ARHGAP24: variants seen among roughly 807,000 people sequenced by gnomAD.
The protein encoded by ARHGAP24 is Rho GTPase activating protein 24.
In ARHGAP24, 50 loss-of-function variants were observed where a neutral mutation model predicts 76.4. The observed-to-expected ratio is 0.65, with a 90% confidence interval of 0.52 to 0.83. The LOEUF is 0.83. Ranked by LOEUF, ARHGAP24 falls within the 40% of genes least tolerant of loss-of-function variation. ARHGAP24 has a pLI of 0.00. For synonymous variants in ARHGAP24, 345 were observed against 323.3 expected, an observed-to-expected ratio of 1.07 and a Z score of -0.72; for missense variants, 930 against 914.2, an observed-to-expected ratio of 1.02 and a Z score of -0.22.
At chr4:85,564,948 ATATATATATATATATATATATAC>A (rs1301523473) in intron 1 of ARHGAP24, among the ~76,000 whole-genome samples, 4 of 106,894 alleles carry the variant, frequency 3.7e-5, no homozygotes, top group African/African-American at 1.9e-4. Context: ...ATATATATAT[ATATATATATATATATATATATAC>A]CCACACCCAC....
At chr4:85,738,031 A>G (rs1473322886) in intron 3 of ARHGAP24, among the ~76,000 whole-genome samples, 1 of 151,934 alleles carries the variant, frequency 6.6e-6, no homozygotes, top group Non-Finnish European at 1.5e-5. Flanking sequence ...AGTGATTTTC[A>G]TGCCTCGGCC....
chr4:85,872,772 AT>A (rs199857883), intron 3 of ARHGAP24, among the ~76,000 whole-genome samples: 2 of 143,160 alleles, frequency 1.4e-5, no homozygotes, highest in Admixed American at 1.4e-4. Flanking sequence ...TAACTTTTGT[AT>A]TTTTTTTTGT....
At chr4:85,998,204 GT>G (rs1179331654) in intron 9 of ARHGAP24, among the ~76,000 whole-genome samples, 1 of 152,138 alleles carries the variant, frequency 6.6e-6, no homozygotes, top group East Asian at 1.9e-4. Flanking sequence ...GAGTTTATCA[GT>G]TTCTTTTTAT....
intron 3 of ARHGAP24, among the ~76,000 whole-genome samples, chr4:85,804,472 C>T (rs949787502): frequency 6.6e-6 from 1 of 152,056 alleles, no homozygotes; most frequent in Non-Finnish European, 1.5e-5. Context: ...ACATTGTTAA[C>T]TGAAAGGAGG....
At chr4:85,689,472 C>T (rs1723551510) in intron 2 of ARHGAP24, among the ~76,000 whole-genome samples, 1 of 152,082 alleles carries the variant, frequency 6.6e-6, no homozygotes. Flanking sequence ...CTACAATCTC[C>T]ACCTCCTGGG....
chr4:85,950,336 A>AG (rs755390579), intron 5 of ARHGAP24, among the ~76,000 whole-genome samples: 92 of 151,636 alleles, frequency 6.1e-4, no homozygotes, highest in Non-Finnish European at 1.1e-3. Flanking sequence ...ACAAAAAAAA[A>AG]ATCAAATTAA....
chr4:85,632,289 A>G (rs911280472), intron 2 of ARHGAP24, among the ~76,000 whole-genome samples: 2 of 152,084 alleles, frequency 1.3e-5, no homozygotes, highest in South Asian at 4.1e-4. Flanking sequence ...ATATATTGAT[A>G]GACAACTAGC....
intron 2 of ARHGAP24, among the ~76,000 whole-genome samples, chr4:85,658,103 A>G (rs1722240127): frequency 6.6e-6 from 1 of 152,182 alleles, no homozygotes; most frequent in African/African-American, 2.4e-5. Context: ...TCATTGGTCA[A>G]TTTGTTAAGA....
rs546864287 is a variant in ARHGAP24, at chr4:85,526,515, A to C, written c.-20-44007A>C. Among the ~76,000 whole-genome samples, 3 of 152,136 alleles carry C rather than the reference A, an allele frequency of 2.0e-5. 1 individual carries two copies. The South Asian group carries it at 6.2e-4, about 32-fold the overall frequency. The stretch of plus-strand genomic sequence containing the variant: ...AACTTAGTGATTTGGGGTGTTATAT[A>C]CTAATGGTATGGGGCCTATCTCAAA... On this transcript the variant is annotated intron_variant, in intron 1 of 9. Coordinates refer to ENST00000395184, the MANE Select transcript of ARHGAP24 (RefSeq NM_001025616.3).
intron 1 of ARHGAP24, among the ~76,000 whole-genome samples, chr4:85,544,669 T>C (rs534726566): frequency 3.9e-5 from 6 of 152,174 alleles, no homozygotes; most frequent in South Asian, 2.1e-4. Context: ...TTTATATACA[T>C]ACATATATGT....
chr4:85,965,552 G>A (rs1017245842), intron 5 of ARHGAP24, among the ~76,000 whole-genome samples: 3 of 151,978 alleles, frequency 2.0e-5, no homozygotes, highest in South Asian at 2.1e-4. Context: ...ATTTAAACTC[G>A]TGACCATTAC....
At chr4:85,487,489 C>CATATATTTATTACATATTATATAA (rs1723132153) in intron 1 of ARHGAP24, among the ~76,000 whole-genome samples, 1 of 97,940 alleles carries the variant, frequency 1.0e-5, no homozygotes, top group Non-Finnish European at 1.8e-5. Context: ...ATTATATAAA[C>CATATATTTATTACATATTATATAA]ATATATTTAT....
intron 1 of ARHGAP24, among the ~76,000 whole-genome samples, chr4:85,500,241 A>G (rs1180507832): frequency 1.3e-5 from 2 of 152,172 alleles, no homozygotes; most frequent in Non-Finnish European, 2.9e-5. Flanking sequence ...GGCTTCTATT[A>G]TATTCCTATG....
chr4:85,693,475 C>T (rs1208335143), intron 2 of ARHGAP24, among the ~76,000 whole-genome samples: 1 of 152,214 alleles, frequency 6.6e-6, no homozygotes, highest in Non-Finnish European at 1.5e-5. Flanking sequence ...GCTCAAGTCT[C>T]AGCCACACAT....
At chr4:85,768,712 G>A (rs997219421) in intron 3 of ARHGAP24, among the ~76,000 whole-genome samples, 18 of 152,134 alleles carry the variant, frequency 1.2e-4, no homozygotes, top group African/African-American at 4.1e-4. Context: ...AGGAGGCAGA[G>A]GTTGCAGTGA....
intron 1 of ARHGAP24, among the ~76,000 whole-genome samples, chr4:85,482,351 T>C (rs1038753411): frequency 6.6e-6 from 1 of 152,216 alleles, no homozygotes; most frequent in African/African-American, 2.4e-5. Flanking sequence ...CTTCATTTAT[T>C]GGTGACAACT....
intron 3 of ARHGAP24, among the ~76,000 whole-genome samples, chr4:85,789,519 C>T (rs1219285865): frequency 6.6e-6 from 1 of 152,076 alleles, no homozygotes; most frequent in Non-Finnish European, 1.5e-5. Flanking sequence ...AAAGCAAAAA[C>T]TCAACTTATA....
At chr4:85,675,967 A>G (rs1578131687) in intron 2 of ARHGAP24, among the ~76,000 whole-genome samples, 1 of 152,324 alleles carries the variant, frequency 6.6e-6, no homozygotes, top group South Asian at 2.1e-4. Context: ...ATTTTATGAC[A>G]CTGTCTCCCA....
intron 3 of ARHGAP24, among the ~76,000 whole-genome samples, chr4:85,899,572 G>A (rs1448923000): frequency 6.6e-6 from 1 of 152,144 alleles, no homozygotes; most frequent in African/African-American, 2.4e-5. Context: ...AGATTGCAAT[G>A]CAGCAAAAAT....
Sources: gnomAD v4.1 joint callset for allele counts (sites outside exome capture counted in the v4.1 genomes callset) on GRCh38, gnomAD v4.1.1 for gene constraint, MANE v1.5 for transcripts, NCBI Gene and HGNC (gene_info 2026-07-23, HGNC 2026-07-21) for gene names.